Variants in SFT2D1 observed in about 807,000 individuals in gnomAD.
The protein encoded by SFT2D1 is vesicle transport protein SFT2A.
In SFT2D1, 24 loss-of-function variants were observed where a neutral mutation model predicts 28.1. The ratio of observed to expected loss-of-function variants is 0.85; its 90% CI spans 0.62 to 1.20. The LOEUF (loss-of-function observed/expected upper bound fraction) is 1.20, where lower values mean the gene tolerates loss of function less well. SFT2D1 is among the 50% of genes most tolerant of loss of function. SFT2D1 has a pLI of 0.00. For synonymous variants in SFT2D1, 82 were observed against 73.7 expected, an observed-to-expected ratio of 1.11 and a Z score of -0.58; for missense variants, 181 against 190.9, an observed-to-expected ratio of 0.95 and a Z score of 0.31.
At chr6:166,321,962 C>T (rs770447029) in intron 7 of SFT2D1, among the ~76,000 whole-genome samples, 1 of 152,204 alleles carries the variant, frequency 6.6e-6, no homozygotes, top group Non-Finnish European at 1.5e-5. Flanking sequence ...TGGCTCACTG[C>T]AACCTCTGCC....
At chr6:166,323,171 T>G in intron 6 of SFT2D1, 1 of 315,362 alleles carries the variant, frequency 3.2e-6, no homozygotes. Context: ...AGTTTGAGCT[T>G]CTTATAATAA....
rs1185740157 is a variant in SFT2D1, at chr6:166,322,887, C to T, written c.411-1G>A. 20 of 1,611,340 alleles carry T rather than the reference C, an allele frequency of 1.2e-5. No homozygotes were observed. The highest frequency in any genetic ancestry group is 1.7e-5 in the Admixed American group (1 of 59,684). ...ATATGGGATGTACGACAGGCTATAC[C>T]TGCAAGAAATATTCAAGCATGTTGA... On this transcript the variant is annotated splice_acceptor_variant, in intron 6 of 7. Coordinates refer to ENST00000361731, the MANE Select transcript of SFT2D1 (RefSeq NM_145169.3). LOFTEE classifies it high-confidence loss of function.
chr6:166,340,439 C>T (rs1224009859), intron 1 of SFT2D1, among the ~76,000 whole-genome samples: 2 of 152,240 alleles, frequency 1.3e-5, no homozygotes, highest in East Asian at 1.9e-4. Context: ...ATCCCCCTTC[C>T]TGCTTCACCT....
intron 1 of SFT2D1, among the ~76,000 whole-genome samples, chr6:166,333,560 A>T (rs888744269): frequency 3.9e-5 from 6 of 152,142 alleles, no homozygotes; most frequent in African/African-American, 1.4e-4. Flanking sequence ...CGGCTTCAAC[A>T]GGACATTCAA....
At chr6:166,328,480 A>ATT in intron 3 of SFT2D1, 123 bp from the exon 4 acceptor site, 5 of 503,100 alleles carry the variant, frequency 9.9e-6, no homozygotes, top group Non-Finnish European at 1.3e-5. Context: ...TCTCACTAAA[A>ATT]TTTTTTTTTT....
intron 1 of SFT2D1, among the ~76,000 whole-genome samples, chr6:166,338,927 G>A (rs900619987): frequency 5.5e-4 from 83 of 152,220 alleles, no homozygotes; most frequent in African/African-American, 2.0e-3. Flanking sequence ...GGATGATGCA[G>A]CCTGGATGTC....
chr6:166,331,844 T>C (rs1778558811), intron 1 of SFT2D1, among the ~76,000 whole-genome samples: 1 of 152,256 alleles, frequency 6.6e-6, no homozygotes, highest in Non-Finnish European at 1.5e-5. Context: ...TAAAGGTTCG[T>C]GTGAGTCCAC....
chr6:166,342,131 G>A (rs1255779462), intron 1 of SFT2D1, among the ~76,000 whole-genome samples: 3 of 152,206 alleles, frequency 2.0e-5, no homozygotes, highest in Non-Finnish European at 1.5e-5. Context: ...ACGTGGGAGC[G>A]ATGGATTATT....
Position 166,320,374 on chromosome 6 carries a change from T to C in SFT2D1, c.441-118A>G, listed in dbSNP as rs1243879516. The C allele has an allele frequency of 9.8e-6, 7 of 715,718 alleles. No homozygotes were observed. In the East Asian group the frequency reaches 1.9e-4, roughly 20 times the overall value. 44.3% of individuals were successfully genotyped at this position (715,718 alleles called of 1,614,324 possible). A position where few individuals can be genotyped will look rare whatever the true frequency, so the allele number is the denominator to read the frequency against. On this transcript the variant is annotated intron_variant, in intron 7 of 7. Transcript: ENST00000361731. ...AACTCAATGGATGCTCCAACACACTTTTTGATTAATAAAAACTTTGTTCAG... is the reference window on the plus strand; with the variant it reads ...AACTCAATGGATGCTCCAACACACTCTTTGATTAATAAAAACTTTGTTCAG...
At chr6:166,333,898 GCCACCAAA>G (rs60354695) in intron 1 of SFT2D1, among the ~76,000 whole-genome samples, 39,458 of 151,546 alleles carry the variant, frequency 0.26, 5,386 homozygotes, top group East Asian at 0.34. Context: ...CCTTCCTGCT[GCCACCAAA>G]CCACCAAACC....
chr6:166,333,874 T>C (rs1268048858), intron 1 of SFT2D1, among the ~76,000 whole-genome samples: 1 of 151,790 alleles, frequency 6.6e-6, no homozygotes, highest in Admixed American at 6.6e-5. Context: ...AAGCCATCAG[T>C]GTGAACTCCC....
intron 2 of SFT2D1, among the ~76,000 whole-genome samples, chr6:166,329,865 T>G (rs1279530123): frequency 6.6e-6 from 1 of 152,220 alleles, no homozygotes; most frequent in Non-Finnish European, 1.5e-5. Context: ...AAGTTAAATT[T>G]TCATGCTAAA....
At position 166,319,941 on chromosome 6, in the gene SFT2D1, G is replaced by T. The variant is rs1187567038; in HGVS notation, c.*276C>A. On this transcript the variant is annotated 3_prime_UTR_variant, in exon 8 of 8. Transcript: ENST00000361731. ...TCACATTTCAAAGCTGCTTTGAAAA[G>T]ATTTAAAAATTGGCTAAAAATAATT... 1 of 323,894 alleles carries T rather than the reference G, an allele frequency of 3.1e-6. No homozygotes were observed. The highest frequency in any genetic ancestry group is 5.6e-6 in the Non-Finnish European group (1 of 179,442). The allele number at this position is 323,894 out of a possible 1,614,324, so 20.1% of individuals were successfully genotyped here. A position where few individuals can be genotyped will look rare whatever the true frequency, so the allele number is the denominator to read the frequency against.
At chr6:166,322,937 CT>C in intron 6 of SFT2D1, 51 bp from the exon 7 acceptor site, 1 of 1,514,416 alleles carries the variant, frequency 6.6e-7, no homozygotes, top group Non-Finnish European at 9.2e-7. Context: ...GATGGTTTTC[CT>C]TTATGCCAAA....
intron 4 of SFT2D1, 60 bp downstream of exon 4, chr6:166,328,216 G>T: frequency 9.8e-7 from 1 of 1,018,834 alleles, no homozygotes; most frequent in Non-Finnish European, 1.4e-6. Flanking sequence ...GCAATTATTC[G>T]TAAAATAACA....
intron 1 of SFT2D1, among the ~76,000 whole-genome samples, chr6:166,331,232 A>T (rs1778543096): frequency 6.6e-6 from 1 of 152,254 alleles, no homozygotes; most frequent in Non-Finnish European, 1.5e-5. Context: ...AGAAATATAC[A>T]GCAAGGATTT....
At chr6:166,339,471 A>G (rs1562448065) in intron 1 of SFT2D1, among the ~76,000 whole-genome samples, 1 of 151,964 alleles carries the variant, frequency 6.6e-6, no homozygotes, top group African/African-American at 2.4e-5. Flanking sequence ...CCCCGACCCC[A>G]CTGCATCCTT....
At position 166,328,265 on chromosome 6, in the gene SFT2D1, T is replaced by A. The variant is rs1778487807; in HGVS notation, c.315+11A>T. ...TTCAATAAAAGTTTTAAAAATGTAT[T>A]ATTTACTTACAAGCATAACAATTGT... On this transcript the variant is annotated intron_variant, in intron 4 of 7. Coordinates refer to ENST00000361731, the MANE Select transcript of SFT2D1 (RefSeq NM_145169.3). The A allele has an allele frequency of 6.4e-7, 1 of 1,552,382 alleles. No homozygotes were observed. The highest frequency in any genetic ancestry group is 8.7e-7 in the Non-Finnish European group (1 of 1,144,832).
At chr6:166,333,540 G>GT (rs560515904) in intron 1 of SFT2D1, among the ~76,000 whole-genome samples, 90 of 152,286 alleles carry the variant, frequency 5.9e-4, no homozygotes, top group African/African-American at 2.1e-3. Context: ...GCCCTTCTCC[G>GT]TTTTTTCAGC....
Sources: allele counts gnomAD v4.1 joint callset (sites outside exome capture counted in the v4.1 genomes callset), GRCh38; gene constraint gnomAD v4.1.1; transcripts MANE v1.5; gene names NCBI Gene and HGNC (gene_info 2026-07-23, HGNC 2026-07-21).